Variants in CLEC20A observed in about 807,000 individuals in gnomAD.
The protein encoded by CLEC20A is C-type lectin domain containing 20A.
At chr1:178,483,226 C>T (rs867264192) in exon 6 of CLEC20A, 66 of 398,490 alleles carry the variant, frequency 1.7e-4, no homozygotes, top group African/African-American at 1.3e-3. Flanking sequence ...AGATGTTGGG[C>T]CTCCGTGGCA....
rs907963310 is a variant in CLEC20A at position 178,494,446 on chromosome 1, G to T, written c.397+8C>A. 10 of 400,208 alleles carry T rather than the reference G, an allele frequency of 2.5e-5. No homozygotes were observed. The highest frequency in any genetic ancestry group is 1.9e-4 in the African/African-American group (9 of 48,630). 24.8% of individuals were successfully genotyped at this position (400,208 alleles called of 1,614,324 possible). A position where few individuals can be genotyped will look rare whatever the true frequency, so the allele number is the denominator to read the frequency against. ...AAGACCAAGCCTGAAATATGAATGT[G>T]AACACACCACAGTAGCAGAGGAAGG... On this transcript the variant is annotated splice_region_variant and intron_variant, in intron 2 of 7. Coordinates refer to ENST00000623247, the Ensembl canonical transcript of CLEC20A.
In CLEC20A at chr1:178,494,438, A is replaced by G; in HGVS notation, c.397+16T>C. On this transcript the variant is annotated intron_variant, in intron 2 of 7. Transcript: ENST00000623247. ...CTGGGGGAAAGACCAAGCCTGAAATATGAATGTGAACACACCACAGTAGCA... is the reference window on the plus strand; with the variant it reads ...CTGGGGGAAAGACCAAGCCTGAAATGTGAATGTGAACACACCACAGTAGCA... 5.0e-6 allele frequency: 2 copies of G among 400,424 alleles called. No individual in the cohort carries two copies. The highest frequency in any genetic ancestry group is 8.8e-6 in the Non-Finnish European group (2 of 226,936). 24.8% of individuals were successfully genotyped at this position (400,424 alleles called of 1,614,324 possible). A position where few individuals can be genotyped will look rare whatever the true frequency, so the allele number is the denominator to read the frequency against.
intron 2 of CLEC20A, 143 bp from the exon 3 acceptor site, chr1:178,492,709 T>C (rs996353220): frequency 5.0e-6 from 2 of 396,796 alleles, no homozygotes; most frequent in African/African-American, 4.1e-5. Context: ...ATCCATTCAA[T>C]AAATACTGGG....
chr1:178,482,720 C>T (rs1347657686), intron 6 of CLEC20A: 3 of 229,054 alleles, frequency 1.3e-5, no homozygotes, highest in African/African-American at 4.5e-5. Flanking sequence ...CACACCATGC[C>T]GGAAATACTC....
At chr1:178,487,726 G>A (rs1163676793) in intron 5 of CLEC20A, among the ~76,000 whole-genome samples, 2 of 152,128 alleles carry the variant, frequency 1.3e-5, no homozygotes, top group African/African-American at 4.8e-5. Context: ...GCTGTGCCTG[G>A]GCTAGCACAG....
upstream of CLEC20A, among the ~76,000 whole-genome samples, chr1:178,499,071 C>G (rs1243377218): frequency 6.6e-6 from 1 of 152,162 alleles, no homozygotes; most frequent in Non-Finnish European, 1.5e-5. Context: ...GCCACTCCCC[C>G]AGTCGTCTCC....
At chr1:178,493,485 G>T (rs1649314064) in intron 2 of CLEC20A, 1 of 152,654 alleles carries the variant, frequency 6.6e-6, no homozygotes, top group Non-Finnish European at 1.5e-5. Context: ...CAAGTGCTGT[G>T]CACGCCACAA....
downstream of CLEC20A, chr1:178,479,055 T>C (rs932753422): frequency 6.6e-6 from 1 of 152,248 alleles, no homozygotes; most frequent in African/African-American, 2.4e-5. Context: ...ATAACTAGCA[T>C]TAGCATGTAT....
upstream of CLEC20A, among the ~76,000 whole-genome samples, chr1:178,498,074 C>T (rs1444770299): frequency 1.3e-5 from 2 of 152,110 alleles, 1 homozygote; most frequent in Non-Finnish European, 2.9e-5. Flanking sequence ...CTGTCATTTT[C>T]ACTGGCTCAC....
In CLEC20A at chr1:178,490,060, A is replaced by G. The variant is rs1162484850; in HGVS notation, c.829+12T>C. On this transcript the variant is annotated intron_variant, in intron 4 of 7. Coordinates refer to ENST00000623247, the Ensembl canonical transcript of CLEC20A. ...ATGGGCCGAGGGCCAGCAAGAGCAGACTCTCACTCACCATAGAAGCAGAAG... is the reference window on the plus strand; with the variant it reads ...ATGGGCCGAGGGCCAGCAAGAGCAGGCTCTCACTCACCATAGAAGCAGAAG... The G allele has an allele frequency of 5.0e-6, 2 of 398,504 alleles. No homozygotes were observed. The highest frequency in any genetic ancestry group is 4.4e-5 in the Admixed American group (1 of 22,696). The allele number at this position is 398,504 out of a possible 1,614,324, so 24.7% of individuals were successfully genotyped here.
chr1:178,486,333 C>A (rs1649142210), intron 5 of CLEC20A: 1 of 397,934 alleles, frequency 2.5e-6, no homozygotes, highest in East Asian at 3.6e-5. Context: ...CTGCACCCTA[C>A]TCATGGAAGC....
At chr1:178,482,093 C>A (rs6684186) in intron 7 of CLEC20A, 9,216 of 313,784 alleles carry the variant, frequency 0.029, 680 homozygotes, top group African/African-American at 0.24. Context: ...AAAAAAACAA[C>A]AAAAAAAAAA....
chr1:178,494,012 T>C (rs559926660), intron 2 of CLEC20A, among the ~76,000 whole-genome samples: 1 of 152,292 alleles, frequency 6.6e-6, no homozygotes, highest in Admixed American at 6.5e-5. Context: ...GAGAAAGTGA[T>C]GTGGCAAAAA....
chr1:178,488,948 C>T (rs1425337718), intron 4 of CLEC20A, among the ~76,000 whole-genome samples: 4 of 151,774 alleles, frequency 2.6e-5, no homozygotes, highest in African/African-American at 4.8e-5. Flanking sequence ...TGACTTCTAC[C>T]GGGTAAGGGG....
At chr1:178,483,404 C>T in intron 5 of CLEC20A, 122 bp from the exon 6 acceptor site, 1 of 395,476 alleles carries the variant, frequency 2.5e-6, no homozygotes, top group Non-Finnish European at 4.5e-6. Context: ...CACACAGTTG[C>T]TGCAGAAGCC....
rs527456516 is a variant in CLEC20A at position 178,490,452 on chromosome 1, T to C, written c.464-15A>G. ...CTGGACCACAGCTGGGGTCAAAGAA[T>C]GTGGAGATCACTGGCCTGAGGGCCT... On this transcript the variant is annotated splice_polypyrimidine_tract_variant and intron_variant, in intron 3 of 7. Coordinates refer to ENST00000623247, the Ensembl canonical transcript of CLEC20A. The C allele has an allele frequency of 5.0e-6, 2 of 398,678 alleles. No homozygotes were observed. The highest frequency in any genetic ancestry group is 4.4e-5 in the Admixed American group (1 of 22,738). The allele number at this position is 398,678 out of a possible 1,614,324, so 24.7% of individuals were successfully genotyped here. A position where few individuals can be genotyped will look rare whatever the true frequency, so the allele number is the denominator to read the frequency against.
At chr1:178,482,113 AGAC>A in intron 7 of CLEC20A, 196 bp downstream of exon 7, 1 of 391,040 alleles carries the variant, frequency 2.6e-6, no homozygotes, top group African/African-American at 2.1e-5. Context: ...AACTTAGGAA[AGAC>A]ATTGGAGAGG....
intron 3 of CLEC20A, among the ~76,000 whole-genome samples, chr1:178,492,127 T>C (rs921106474): frequency 6.6e-6 from 1 of 151,568 alleles, no homozygotes; most frequent in Non-Finnish European, 1.5e-5. Flanking sequence ...CTACTAAAAA[T>C]ACAAAAAATT....
At chr1:178,482,476 G>T (rs944542433) in intron 6 of CLEC20A, 79 bp from the exon 7 acceptor site, 1 of 397,846 alleles carries the variant, frequency 2.5e-6, no homozygotes, top group Admixed American at 4.4e-5. Flanking sequence ...GGAGCACCCG[G>T]TGGACACCAT....
Sources: gnomAD v4.1 joint callset for allele counts (sites outside exome capture counted in the v4.1 genomes callset) on GRCh38, gnomAD v4.1.1 for gene constraint, MANE v1.5 for transcripts, NCBI Gene and HGNC (gene_info 2026-07-23, HGNC 2026-07-21) for gene names.